Variants in ZSWIM4 observed in about 807,000 individuals in gnomAD.
ZSWIM4 encodes the protein zinc finger SWIM domain-containing protein 4.
In ZSWIM4, 62 loss-of-function variants were observed where a neutral mutation model predicts 102.5. The ratio of observed to expected loss-of-function variants is 0.60; its 90% CI spans 0.49 to 0.75. ZSWIM4 has a LOEUF of 0.75. ZSWIM4 is among the 30% of genes least tolerant of loss of function. The pLI is 0.00. For missense variants in ZSWIM4, 1,280 were observed against 1,529.6 expected (o/e 0.84, Z 2.72); for synonymous variants, 652 against 674.5 (o/e 0.97, Z 0.52).
chr19:13,799,746 T>A lies in ZSWIM4; in HGVS notation c.180T>A (p.Pro60=). The A allele has an allele frequency of 1.2e-6, 2 of 1,614,032 alleles. No individual in the cohort carries two copies. Among genetic ancestry groups the A allele is most frequent in the Non-Finnish European group, 1.7e-6 (2 of 1,179,998 alleles). The stretch of plus-strand genomic sequence containing the variant: ...TGGAGGAGCGGTTCTCCCGGGTGCC[T>A]GAGCCCGTCCAGAAGCGCATCGTGT... ...EQVEERFSRV[P]EPVQKRIVFW... Residue 60 remains proline, a synonymous_variant, in exon 2 of 14, where the codon CCT becomes CCA. Coordinates refer to ENST00000590508, the MANE Select transcript of ZSWIM4 (RefSeq NM_001367834.3).
rs749900528 is a variant in ZSWIM4 at position 13,804,937 on chromosome 19, C to T, written c.501C>T (p.His167=). The T allele has an allele frequency of 3.1e-6, 5 of 1,613,538 alleles. No homozygotes were observed. The South Asian group carries it at 5.5e-5, about 18-fold the overall frequency. The stretch of plus-strand genomic sequence containing the variant: ...ACCGCGACCTCTTCTACTGTGCCCA[C>T]GTGGTGGCCCTGTCCCTGTACCGCA... The part of the protein sequence containing the change: ...CDNRDLFYCA[H]VVALSLYRIR... The change falls in exon 3 of 14, where the codon CAC becomes CAT. Residue 167 remains histidine, a synonymous_variant. Coordinates refer to ENST00000590508, the MANE Select transcript of ZSWIM4 (RefSeq NM_001367834.3).
chr19:13,818,430 G>C (rs971594218), intron 9 of ZSWIM4, among the ~76,000 whole-genome samples: 1 of 152,146 alleles, frequency 6.6e-6, no homozygotes, highest in Admixed American at 6.5e-5. Context: ...TACGCTATCG[G>C]ACTTGCTGGT....
chr19:13,828,820 G>A (rs902562135), intron 13 of ZSWIM4, 94 bp downstream of exon 13: 2 of 1,287,334 alleles, frequency 1.6e-6, no homozygotes, highest in East Asian at 2.4e-5. Context: ...GAGAGAAGTG[G>A]CGGGGTGCGG....
Position 13,831,085 on chromosome 19 carries a change from T to C in ZSWIM4, c.*35T>C, listed in dbSNP as rs201378218. Reference sequence around the variant, plus strand: ...GGGTGCGTGGGAGTGGGGATCCCCCTCGCCCCTGCGTCCCCCACCCTTGCT... The same window carrying C: ...GGGTGCGTGGGAGTGGGGATCCCCCCCGCCCCTGCGTCCCCCACCCTTGCT... On this transcript the variant is annotated 3_prime_UTR_variant, in exon 14 of 14. Coordinates refer to ENST00000590508, the MANE Select transcript of ZSWIM4 (RefSeq NM_001367834.3). The C allele has an allele frequency of 2.6e-6, 4 of 1,525,992 alleles. No individual in the cohort carries two copies. The East Asian group carries it at 9.1e-5, about 35-fold the overall frequency. 94.5% of individuals were successfully genotyped at this position (1,525,992 alleles called of 1,614,324 possible). A position where few individuals can be genotyped will look rare whatever the true frequency, so the allele number is the denominator to read the frequency against.
intron 3 of ZSWIM4, 48 bp from the exon 4 acceptor site, chr19:13,808,788 C>G: frequency 6.6e-7 from 1 of 1,518,272 alleles, no homozygotes; most frequent in Non-Finnish European, 8.9e-7. Flanking sequence ...CCCAACCCAA[C>G]CCCAACTCCA....
intron 3 of ZSWIM4, among the ~76,000 whole-genome samples, 188 bp downstream of exon 3, chr19:13,805,336 A>G (rs2145275347): frequency 6.6e-6 from 1 of 152,286 alleles, no homozygotes; most frequent in Middle Eastern, 3.4e-3. Context: ...ATCTGGACAC[A>G]GGACAGATGA....
At chr19:13,823,178 A>T (rs1975513583) in intron 10 of ZSWIM4, among the ~76,000 whole-genome samples, 168 bp from the exon 11 acceptor site, 1 of 152,168 alleles carries the variant, frequency 6.6e-6, no homozygotes, top group Non-Finnish European at 1.5e-5. Context: ...GTATCAATTT[A>T]TAAACAACAC....
chr19:13,810,873 G>T (rs1975064238), intron 5 of ZSWIM4, among the ~76,000 whole-genome samples: 1 of 149,466 alleles, frequency 6.7e-6, no homozygotes, highest in African/African-American at 2.5e-5. Context: ...GCTTCCCAAA[G>T]GGTTGGGATT....
At position 13,805,116 on chromosome 19, in the gene ZSWIM4, T is replaced by C; in HGVS notation, c.680T>C (p.Leu227Pro). 1.2e-6 allele frequency: 2 copies of C among 1,600,192 alleles called. No homozygotes were observed. The highest frequency in any genetic ancestry group is 1.7e-6 in the Non-Finnish European group (2 of 1,179,124). ...GCTCAGCGCTTGGCTGATGAGATCC[T>C]CCTGCTGGGCTCCGAGATCAACTTG... ...PTAQRLADEI[L>P]LLGSEINLVN... Residue 227 changes from leucine (L) to proline (P), a missense_variant, in exon 3 of 14, where the codon CTC becomes CCC. Coordinates refer to ENST00000590508, the MANE Select transcript of ZSWIM4 (RefSeq NM_001367834.3).
chr19:13,810,956 C>G (rs1975069367), intron 5 of ZSWIM4, among the ~76,000 whole-genome samples: 2 of 143,292 alleles, frequency 1.4e-5, no homozygotes, highest in African/African-American at 5.3e-5. Context: ...CTTTGTCACC[C>G]AGGCTGTAGT....
chr19:13,800,100 C>T (rs1189539558), intron 2 of ZSWIM4, among the ~76,000 whole-genome samples, 179 bp downstream of exon 2: 2 of 119,792 alleles, frequency 1.7e-5, no homozygotes, highest in African/African-American at 8.6e-5. Flanking sequence ...CGGAGTCTCG[C>T]TCTTTGGCCC....
In ZSWIM4 at chr19:13,814,642, C is replaced by T. The variant is rs928188459; in HGVS notation, c.1308C>T (p.Tyr436=). The T allele has an allele frequency of 1.9e-5, 24 of 1,263,832 alleles. No homozygotes were observed. In the East Asian group the frequency reaches 7.7e-4, roughly 40 times the overall value. The allele number at this position is 1,263,832 out of a possible 1,614,324, so 78.3% of individuals were successfully genotyped here. Residue 436 remains tyrosine, a synonymous_variant, in exon 7 of 14, where the codon TAC becomes TAT. Transcript: ENST00000590508. Reference sequence around the variant, plus strand: ...AGAGGATCCTGGCCAGTGACTCCTACGGGCCCAGCCTCACAGGCAGCGTGG... The same window carrying T: ...AGAGGATCCTGGCCAGTGACTCCTATGGGCCCAGCCTCACAGGCAGCGTGG... The part of the protein sequence containing the change: ...YLQRILASDS[Y]GPSLTGSVGG...
Position 13,818,720 on chromosome 19 carries a change from C to T in ZSWIM4, c.1925-637C>T, listed in dbSNP as rs147833655. On this transcript the variant is annotated intron_variant, in intron 9 of 13. Coordinates refer to ENST00000590508, the MANE Select transcript of ZSWIM4 (RefSeq NM_001367834.3). ...CTGGGATTACAGGCGTGCGCCACCACACCCGGCTGATTTTTGTATTTTTAG... is the reference window on the plus strand; with the variant it reads ...CTGGGATTACAGGCGTGCGCCACCATACCCGGCTGATTTTTGTATTTTTAG... 7.5e-3 allele frequency among the ~76,000 whole-genome samples: 1,139 copies of T among 152,012 alleles called. 16 individuals carry two copies. The highest frequency in any genetic ancestry group is 0.026 in the African/African-American group (1,089 of 41,440).
intron 2 of ZSWIM4, among the ~76,000 whole-genome samples, chr19:13,803,268 G>A (rs1260875936): frequency 6.6e-6 from 1 of 152,238 alleles, no homozygotes; most frequent in Non-Finnish European, 1.5e-5. Context: ...CCAGTCAGAT[G>A]AGCCTGGCAC....
Position 13,828,627 on chromosome 19 carries a change from C to T in ZSWIM4, c.2380-18C>T. On this transcript the variant is annotated intron_variant, in intron 12 of 13. Coordinates refer to ENST00000590508, the MANE Select transcript of ZSWIM4 (RefSeq NM_001367834.3). The stretch of plus-strand genomic sequence containing the variant: ...CAAGACTCAGGCTAACCCCCTTCTC[C>T]CCACCCCTACCTTGCAGGTGATGCG... 1.2e-6 allele frequency: 2 copies of T among 1,613,760 alleles called. No individual in the cohort carries two copies. Among genetic ancestry groups the T allele is most frequent in the South Asian group, 2.2e-5 (2 of 91,076 alleles).
intron 12 of ZSWIM4, 51 bp from the exon 13 acceptor site, chr19:13,828,594 G>A: frequency 1.3e-6 from 2 of 1,582,870 alleles, no homozygotes; most frequent in Non-Finnish European, 1.7e-6. Context: ...CCCCTCCATA[G>A]GCCAGCCCAA....
At chr19:13,796,073 T>C (rs1178872331) in intron 1 of ZSWIM4, among the ~76,000 whole-genome samples, 1 of 149,806 alleles carries the variant, frequency 6.7e-6, no homozygotes, top group African/African-American at 2.5e-5. Context: ...CTTCTTCTCC[T>C]ACCAACCCCA....
In ZSWIM4 at chr19:13,831,105, C is replaced by T. The variant is rs1297664644; in HGVS notation, c.*55C>T. 7.3e-6 allele frequency: 11 copies of T among 1,506,846 alleles called. No individual in the cohort carries two copies. The highest frequency in any genetic ancestry group is 2.8e-5 in the African/African-American group (2 of 71,860). 93.3% of individuals were successfully genotyped at this position (1,506,846 alleles called of 1,614,324 possible). On this transcript the variant is annotated 3_prime_UTR_variant, in exon 14 of 14. Transcript: ENST00000590508. Reference sequence around the variant, plus strand: ...CCCCCTCGCCCCTGCGTCCCCCACCCTTGCTCTCCAATTAGGCCCACGTGG... The same window carrying T: ...CCCCCTCGCCCCTGCGTCCCCCACCTTTGCTCTCCAATTAGGCCCACGTGG...
At chr19:13,799,969 C>T (rs745623424) in intron 2 of ZSWIM4, 48 bp downstream of exon 2, 2 of 1,562,284 alleles carry the variant, frequency 1.3e-6, no homozygotes, top group African/African-American at 2.7e-5. Flanking sequence ...GAGGTCCATA[C>T]CAGGCCTGGA....
Sources: gnomAD v4.1 joint callset for allele counts (sites outside exome capture counted in the v4.1 genomes callset) on GRCh38, gnomAD v4.1.1 for gene constraint, MANE v1.5 for transcripts, NCBI Gene and HGNC (gene_info 2026-07-23, HGNC 2026-07-21) for gene names.